Variants in SPMIP2 observed in about 807,000 individuals in gnomAD.
SPMIP2 encodes the protein sperm microtubule inner protein 2, also known as protein SPMIP2.
the SPMIP2 span, among the ~76,000 whole-genome samples, chr4:159,044,620 G>A: frequency 6.6e-6 from 1 of 152,170 alleles, no homozygotes; most frequent in Non-Finnish European, 1.5e-5. Context: ...AAAAATGGGG[G>A]TAGGTGGAGA....
At chr4:159,037,101 G>T in the SPMIP2 span, among the ~76,000 whole-genome samples, 1 of 152,192 alleles carries the variant, frequency 6.6e-6, no homozygotes, top group Non-Finnish European at 1.5e-5. Flanking sequence ...CTTGGCTTTT[G>T]TTGGAGGACT....
At chr4:159,082,449 CTGTGTGTGTGTGTG>C in the SPMIP2 span, among the ~76,000 whole-genome samples, 3 of 111,662 alleles carry the variant, frequency 2.7e-5, no homozygotes, top group Non-Finnish European at 3.7e-5. Flanking sequence ...CCACTTTTCT[CTGTGTGTGTGTGTG>C]TGTGTGTGTG....
chr4:159,037,827 C>CATATAT, the SPMIP2 span, among the ~76,000 whole-genome samples: 492 of 126,006 alleles, frequency 3.9e-3, 2 homozygotes, highest in African/African-American at 0.012. Flanking sequence ...CACACACACA[C>CATATAT]ATATATATAT....
the SPMIP2 span, among the ~76,000 whole-genome samples, chr4:159,045,303 C>G: frequency 1.0e-3 from 155 of 152,148 alleles, no homozygotes; most frequent in African/African-American, 3.3e-3. Context: ...ATTATTTAAT[C>G]AAGATTTTTA....
At chr4:159,011,256 G>A in the SPMIP2 span, among the ~76,000 whole-genome samples, 1 of 152,182 alleles carries the variant, frequency 6.6e-6, no homozygotes, top group South Asian at 2.1e-4. Context: ...AATGCCTAAT[G>A]GGTATTAAAT....
chr4:158,946,026 C>A, the SPMIP2 span, among the ~76,000 whole-genome samples: 1 of 152,152 alleles, frequency 6.6e-6, no homozygotes, highest in Admixed American at 6.5e-5. Context: ...AGATACAGGT[C>A]TCTCCAAAAT....
chr4:159,053,203 G>A, the SPMIP2 span, among the ~76,000 whole-genome samples: 11 of 150,328 alleles, frequency 7.3e-5, no homozygotes, highest in East Asian at 2.2e-3. Flanking sequence ...TGATCCGCCC[G>A]CCTCGGCCTC....
the SPMIP2 span, among the ~76,000 whole-genome samples, chr4:158,984,224 T>TCAATG: frequency 5.7e-4 from 1 of 1,768 alleles, no homozygotes. Flanking sequence ...CTGTCAACAT[T>TCAATG]AGACAGAAAG....
At chr4:158,964,451 C>G in the SPMIP2 span, among the ~76,000 whole-genome samples, 1 of 152,186 alleles carries the variant, frequency 6.6e-6, no homozygotes, top group East Asian at 1.9e-4. Flanking sequence ...ACCTATAGAA[C>G]TGTAAGCCAA....
At chr4:159,052,979 C>T in the SPMIP2 span, among the ~76,000 whole-genome samples, 4 of 118,516 alleles carry the variant, frequency 3.4e-5, no homozygotes, top group South Asian at 2.8e-4. Flanking sequence ...TTTTTTGAGA[C>T]GGAGTCTCGC....
the SPMIP2 span, among the ~76,000 whole-genome samples, chr4:158,917,480 C>T: frequency 3.3e-5 from 5 of 151,960 alleles, no homozygotes; most frequent in African/African-American, 4.8e-5. Flanking sequence ...CCCGTCTCTA[C>T]TTTCAGACAC....
chr4:159,020,021 G>A, the SPMIP2 span, among the ~76,000 whole-genome samples: 1 of 152,036 alleles, frequency 6.6e-6, no homozygotes, highest in South Asian at 2.1e-4. Context: ...TCAGGAGGCT[G>A]AGGCAGGAAA....
chr4:158,991,424 C>T, the SPMIP2 span, among the ~76,000 whole-genome samples: 1 of 152,172 alleles, frequency 6.6e-6, no homozygotes, highest in Admixed American at 6.5e-5. Context: ...TCCACTGCCC[C>T]TGACATGTGG....
the SPMIP2 span, among the ~76,000 whole-genome samples, chr4:159,065,060 C>A: frequency 1.3e-5 from 2 of 152,144 alleles, no homozygotes; most frequent in Non-Finnish European, 2.9e-5. Context: ...GTCAGGGGAC[C>A]TTTTAGAGAA....
At chr4:159,056,830 A>G in the SPMIP2 span, among the ~76,000 whole-genome samples, 1 of 152,212 alleles carries the variant, frequency 6.6e-6, no homozygotes, top group African/African-American at 2.4e-5. Context: ...CAGATTAAGG[A>G]GGAAAGAAAG....
chr4:158,996,026 T>A, the SPMIP2 span, among the ~76,000 whole-genome samples: 1 of 152,186 alleles, frequency 6.6e-6, no homozygotes, highest in Admixed American at 6.5e-5. Flanking sequence ...TAACCCGTTT[T>A]TCGTCCCTAT....
chr4:158,947,330 TGTGCTAGTTTAACAACTG>T, the SPMIP2 span, among the ~76,000 whole-genome samples: 14 of 152,204 alleles, frequency 9.2e-5, no homozygotes, highest in African/African-American at 3.1e-4. Flanking sequence ...ACCTTAAGTC[TGTGCTAGTTTAACAACTG>T]GTTTTGGCAG....
chr4:159,076,871 T>C, the SPMIP2 span, among the ~76,000 whole-genome samples: 4 of 151,452 alleles, frequency 2.6e-5, no homozygotes, highest in Admixed American at 2.6e-4. Context: ...GGAGTCTCGC[T>C]CTTGCCCAGG....
At chr4:158,905,329 T>C in the SPMIP2 span, 2 of 152,210 alleles carry the variant, frequency 1.3e-5, no homozygotes, top group Non-Finnish European at 2.9e-5. Flanking sequence ...GTTTTATCCT[T>C]ATATTTTAGA....
Sources: allele counts gnomAD v4.1 joint callset (sites outside exome capture counted in the v4.1 genomes callset), GRCh38; gene constraint gnomAD v4.1.1; transcripts MANE v1.5; gene names NCBI Gene and HGNC (gene_info 2026-07-23, HGNC 2026-07-21).